DNAJC6: variants seen among roughly 807,000 people sequenced by gnomAD.
The protein encoded by DNAJC6 is auxilin.
A neutral mutation model predicts 110.0 loss-of-function variants in DNAJC6; 34 were observed. That is an observed-to-expected ratio of 0.31 (90% CI 0.24 to 0.41). The LOEUF is 0.41. Among genes scored for constraint, DNAJC6 ranks in the 10% least tolerant of loss-of-function variants. The pLI is 1.00. For synonymous variants in DNAJC6, 406 were observed against 437.2 expected, an observed-to-expected ratio of 0.93 and a Z score of 0.89; for missense variants, 1,031 against 1,207.8, an observed-to-expected ratio of 0.85 and a Z score of 2.17.
In DNAJC6 at chr1:65,409,300, T is replaced by C. The variant is rs552589467; in HGVS notation, c.2634+517T>C. Among the ~76,000 whole-genome samples the C allele has an allele frequency of 6.9e-4, 105 of 152,336 alleles. No individual in the cohort carries two copies. In the South Asian group the frequency reaches 0.022, roughly 31 times the overall value. On this transcript the variant is annotated intron_variant, in intron 17 of 18. Transcript: ENST00000371069. ...CTGGTGGCCACTCTATTTCATTTGG[T>C]CTTTGCAGCTGTGATTTGAGTACAG...
intron 1 of DNAJC6, chr1:65,345,766 C>T: frequency 1.3e-6 from 1 of 777,520 alleles, no homozygotes; most frequent in Middle Eastern, 6.6e-4. Context: ...CCCATGTCTT[C>T]TGTATGTAGA....
intron 1 of DNAJC6, among the ~76,000 whole-genome samples, chr1:65,337,520 T>A (rs562561196): frequency 8.5e-5 from 13 of 152,142 alleles, no homozygotes; most frequent in Non-Finnish European, 1.6e-4. Context: ...TTTATTATTA[T>A]GAACTCATAT....
chr1:65,329,422 G>A (rs749240220), intron 1 of DNAJC6, among the ~76,000 whole-genome samples: 1 of 152,114 alleles, frequency 6.6e-6, no homozygotes, highest in Non-Finnish European at 1.5e-5. Flanking sequence ...CTGACCCAGA[G>A]AGCATCTGGG....
intron 1 of DNAJC6, among the ~76,000 whole-genome samples, chr1:65,274,743 A>G (rs756567098): frequency 2.6e-5 from 4 of 152,218 alleles, no homozygotes; most frequent in Non-Finnish European, 5.9e-5. Flanking sequence ...ATTTAATATA[A>G]TTATTGATGT....
At chr1:65,273,104 C>T (rs2101162267) in intron 1 of DNAJC6, among the ~76,000 whole-genome samples, 1 of 152,160 alleles carries the variant, frequency 6.6e-6, no homozygotes, top group South Asian at 2.1e-4. Context: ...TTTGAGTAGT[C>T]TCTGTAATCT....
Position 65,389,294 on chromosome 1 carries a change from C to T in DNAJC6, c.1232C>T (p.Pro411Leu). The T allele has an allele frequency of 1.9e-6, 3 of 1,613,984 alleles. No homozygotes were observed. Among genetic ancestry groups the T allele is most frequent in the Non-Finnish European group, 2.5e-6 (3 of 1,179,966 alleles). Reference protein sequence around the residue: ...LDACDVPEKYPQLFQVTLDVE... With the variant: ...LDACDVPEKYLQLFQVTLDVE... ...GCATGTGATGTACCAGAAAAATATC[C>T]TCAGCTATTTCAGGTGACACTGGAT... Residue 411 changes from proline (P) to leucine (L), a missense_variant, in exon 10 of 19, where the codon CCT (proline) becomes CTT (leucine). Coordinates refer to ENST00000371069, the MANE Select transcript of DNAJC6 (RefSeq NM_001256864.2).
chr1:65,355,920 G>A (rs1410359204), intron 1 of DNAJC6, among the ~76,000 whole-genome samples: 4 of 140,348 alleles, frequency 2.9e-5, no homozygotes, highest in South Asian at 2.3e-4. Flanking sequence ...CCAAGGCTGC[G>A]TGAGTTTGCT....
chr1:65,351,613 G>A (rs960434629), intron 1 of DNAJC6, among the ~76,000 whole-genome samples: 1 of 152,064 alleles, frequency 6.6e-6, no homozygotes, highest in Non-Finnish European at 1.5e-5. Context: ...ATGTGTATGC[G>A]TATATTTGCT....
intron 1 of DNAJC6, among the ~76,000 whole-genome samples, chr1:65,280,675 A>G (rs576200376): frequency 6.6e-6 from 1 of 152,308 alleles, no homozygotes; most frequent in East Asian, 1.9e-4. Flanking sequence ...GAAATGAAGA[A>G]ATCCATTGGC....
At chr1:65,400,315 A>T (rs1371645548) in intron 14 of DNAJC6, among the ~76,000 whole-genome samples, 2 of 152,218 alleles carry the variant, frequency 1.3e-5, no homozygotes, top group Non-Finnish European at 2.9e-5. Context: ...TCACATGGTT[A>T]TCATTTTTGT....
chr1:65,268,423 C>T (rs1653404274), intron 1 of DNAJC6, among the ~76,000 whole-genome samples: 1 of 152,150 alleles, frequency 6.6e-6, no homozygotes, highest in Non-Finnish European at 1.5e-5. Context: ...GCAAACATGA[C>T]AGCTAATTAT....
intron 1 of DNAJC6, among the ~76,000 whole-genome samples, chr1:65,321,402 A>G (rs1300542061): frequency 9.1e-6 from 1 of 110,438 alleles, no homozygotes; most frequent in Non-Finnish European, 1.9e-5. Context: ...GAGTCTTGCT[A>G]TGTTGCCCAG....
intron 9 of DNAJC6, among the ~76,000 whole-genome samples, chr1:65,388,923 T>C (rs946753553): frequency 1.3e-5 from 2 of 151,736 alleles, no homozygotes; most frequent in Non-Finnish European, 2.9e-5. Context: ...AGGATAGGAG[T>C]AGATGTTCAA....
At chr1:65,324,372 T>G (rs140731603) in intron 1 of DNAJC6, among the ~76,000 whole-genome samples, 10,677 of 151,856 alleles carry the variant, frequency 0.07, 639 homozygotes, top group East Asian at 0.23. Flanking sequence ...GTTTTGTTTT[T>G]TTTTTAAGAT....
intron 12 of DNAJC6, 140 bp from the exon 13 acceptor site, chr1:65,394,758 G>T: frequency 1.1e-6 from 1 of 905,536 alleles, no homozygotes; most frequent in Non-Finnish European, 1.5e-6. Flanking sequence ...CATCCAACAG[G>T]TAAGTCCAGA....
intron 11 of DNAJC6, among the ~76,000 whole-genome samples, chr1:65,392,098 C>T (rs1397907885): frequency 1.3e-5 from 2 of 152,096 alleles, no homozygotes; most frequent in Non-Finnish European, 2.9e-5. Flanking sequence ...TTGTTATCCC[C>T]ACTTTGCTGA....
intron 1 of DNAJC6, among the ~76,000 whole-genome samples, chr1:65,292,738 T>A (rs1644891482): frequency 1.3e-5 from 2 of 152,134 alleles, no homozygotes; most frequent in Admixed American, 6.6e-5. Flanking sequence ...CCCAGCCAGT[T>A]TTTTTATTTT....
chr1:65,385,180 C>A (rs377018967), intron 6 of DNAJC6, among the ~76,000 whole-genome samples: 1 of 152,012 alleles, frequency 6.6e-6, no homozygotes, highest in Non-Finnish European at 1.5e-5. Flanking sequence ...GAGAATAAAG[C>A]GTTTTAAAAT....
chr1:65,386,214 G>A (rs1033846865), intron 7 of DNAJC6, among the ~76,000 whole-genome samples: 1 of 152,190 alleles, frequency 6.6e-6, no homozygotes, highest in African/African-American at 2.4e-5. Flanking sequence ...GATTAGGTGA[G>A]GGTAATGGAA....
Sources: gnomAD v4.1 joint callset for allele counts (sites outside exome capture counted in the v4.1 genomes callset) on GRCh38, gnomAD v4.1.1 for gene constraint, MANE v1.5 for transcripts, NCBI Gene and HGNC (gene_info 2026-07-23, HGNC 2026-07-21) for gene names.